OSBPL8: variants seen among roughly 807,000 people sequenced by gnomAD.
OSBPL8 encodes the protein oxysterol-binding protein-related protein 8.
In OSBPL8, 59 loss-of-function variants were observed where a neutral mutation model predicts 125.5. The ratio of observed to expected loss-of-function variants is 0.47; its 90% confidence interval spans 0.38 to 0.58. The LOEUF (loss-of-function observed/expected upper bound fraction) is 0.58, where lower values mean the gene tolerates loss of function less well. Ranked by LOEUF, OSBPL8 falls within the 20% of genes least tolerant of loss-of-function variation. OSBPL8 has a pLI of 0.00. For missense variants in OSBPL8, 758 were observed against 1,047.8 expected, an observed-to-expected ratio of 0.72 and a Z score of 3.82; for synonymous variants, 330 against 338.9, an observed-to-expected ratio of 0.97 and a Z score of 0.29.
At chr12:76,360,069 A>C (rs920101070) in intron 21 of OSBPL8, among the ~76,000 whole-genome samples, 2 of 152,200 alleles carry the variant, frequency 1.3e-5, no homozygotes, top group African/African-American at 4.8e-5. Context: ...AATTCATTTC[A>C]GCATTAACCC....
rs564087677 is a variant in OSBPL8 at position 76,544,214 on chromosome 12, AAAG to A, written c.-68+15180_-68+15182del. On this transcript the variant is annotated intron_variant, in intron 1 of 23. Coordinates refer to ENST00000261183, the MANE Select transcript of OSBPL8 (RefSeq NM_020841.5). Reference sequence around the variant, plus strand: ...TTTCTTAGCTACCTCATAAATGACAAAAGAAGAAACAGTTTCACCCCTGCGGTC... The same window carrying A: ...TTTCTTAGCTACCTCATAAATGACAAAAGAAACAGTTTCACCCCTGCGGTC... 1.4e-4 allele frequency among the ~76,000 whole-genome samples: 21 copies of A among 152,288 alleles called. No homozygotes were observed. In the East Asian group the frequency reaches 2.5e-3, roughly 18 times the overall value.
intron 1 of OSBPL8, among the ~76,000 whole-genome samples, chr12:76,522,494 T>G (rs1474861683): frequency 6.6e-6 from 1 of 152,170 alleles, no homozygotes; most frequent in Non-Finnish European, 1.5e-5. Flanking sequence ...TAATGAGTTC[T>G]CACTCTGGCA....
intron 1 of OSBPL8, among the ~76,000 whole-genome samples, chr12:76,500,696 A>T (rs1417728138): frequency 6.6e-6 from 1 of 152,162 alleles, no homozygotes; most frequent in Non-Finnish European, 1.5e-5. Context: ...CTACATGCTG[A>T]AGAATTTAAA....
At chr12:76,537,252 T>C (rs1950524359) in intron 1 of OSBPL8, among the ~76,000 whole-genome samples, 1 of 152,160 alleles carries the variant, frequency 6.6e-6, no homozygotes. Flanking sequence ...AATTATTTCA[T>C]AGCATACTAC....
At chr12:76,537,529 AAT>A (rs1260784258) in intron 1 of OSBPL8, among the ~76,000 whole-genome samples, 1 of 152,324 alleles carries the variant, frequency 6.6e-6, no homozygotes, top group East Asian at 1.9e-4. Flanking sequence ...TAGTTATAGT[AAT>A]AACTTGAGCA....
At chr12:76,512,003 A>G (rs1350045745) in intron 1 of OSBPL8, among the ~76,000 whole-genome samples, 1 of 152,130 alleles carries the variant, frequency 6.6e-6, no homozygotes, top group Admixed American at 6.5e-5. Flanking sequence ...TTGCTGGTAC[A>G]TGTGAAGGTT....
chr12:76,490,124 C>CTTATG (rs1878556684), intron 1 of OSBPL8, among the ~76,000 whole-genome samples: 1 of 152,184 alleles, frequency 6.6e-6, no homozygotes, highest in Non-Finnish European at 1.5e-5. Flanking sequence ...TGAGGACTTA[C>CTTATG]TTCTTATGGA....
chr12:76,370,919 A>G (rs1952596666), intron 19 of OSBPL8, among the ~76,000 whole-genome samples: 1 of 152,224 alleles, frequency 6.6e-6, no homozygotes, highest in Non-Finnish European at 1.5e-5. Context: ...TGTGTATACA[A>G]TATTTCTGAT....
At chr12:76,557,280 G>A (rs1298336245) in intron 1 of OSBPL8, among the ~76,000 whole-genome samples, 2 of 152,074 alleles carry the variant, frequency 1.3e-5, no homozygotes, top group Non-Finnish European at 2.9e-5. Flanking sequence ...AAGCCAAGTT[G>A]AAATGTACTA....
chr12:76,535,378 C>T (rs764622660), intron 1 of OSBPL8, among the ~76,000 whole-genome samples: 1 of 151,930 alleles, frequency 6.6e-6, no homozygotes, highest in Admixed American at 6.6e-5. Flanking sequence ...CAGTCATCAG[C>T]GAAACGCAAA....
chr12:76,379,349 T>C (rs1026770368), intron 15 of OSBPL8, among the ~76,000 whole-genome samples: 3 of 152,208 alleles, frequency 2.0e-5, no homozygotes, highest in African/African-American at 4.8e-5. Flanking sequence ...TTTTCTCCTG[T>C]ATGCATTTTC....
chr12:76,455,404 A>C (rs1413171370), intron 3 of OSBPL8, among the ~76,000 whole-genome samples: 2 of 152,242 alleles, frequency 1.3e-5, no homozygotes, highest in Non-Finnish European at 2.9e-5. Context: ...CTAATTTAAA[A>C]TACTTTATAA....
At chr12:76,409,737 G>A (rs1386996665) in intron 5 of OSBPL8, among the ~76,000 whole-genome samples, 1 of 152,150 alleles carries the variant, frequency 6.6e-6, no homozygotes, top group Non-Finnish European at 1.5e-5. Flanking sequence ...TAATATTTAT[G>A]TAAAATCATA....
At chr12:76,508,498 G>A (rs1055595295) in intron 1 of OSBPL8, among the ~76,000 whole-genome samples, 2 of 152,142 alleles carry the variant, frequency 1.3e-5, no homozygotes, top group South Asian at 2.1e-4. Context: ...AATAGGGACT[G>A]GGTAAAATAA....
chr12:76,397,202 A>T (rs1051361807), intron 8 of OSBPL8, among the ~76,000 whole-genome samples: 33 of 150,258 alleles, frequency 2.2e-4, no homozygotes, highest in Non-Finnish European at 4.0e-4. Flanking sequence ...ATTAAAAAAA[A>T]TTTTTTTTTT....
intron 1 of OSBPL8, among the ~76,000 whole-genome samples, chr12:76,533,417 GA>G (rs1358322423): frequency 1.3e-5 from 2 of 152,136 alleles, no homozygotes; most frequent in African/African-American, 2.4e-5. Context: ...ACTATCAAAT[GA>G]AGGATTTGCG....
chr12:76,552,465 G>A (rs1242584136), intron 1 of OSBPL8, among the ~76,000 whole-genome samples: 2 of 142,322 alleles, frequency 1.4e-5, no homozygotes, highest in Non-Finnish European at 1.5e-5. Flanking sequence ...AATGTTGCAA[G>A]CAAGAGGGAG....
At chr12:76,517,912 T>C (rs1881708788) in intron 1 of OSBPL8, among the ~76,000 whole-genome samples, 1 of 152,156 alleles carries the variant, frequency 6.6e-6, no homozygotes, top group Non-Finnish European at 1.5e-5. Flanking sequence ...AATCCCATAC[T>C]TCCCACCAGG....
At position 76,487,576 on chromosome 12, in the gene OSBPL8, T is replaced by C; in HGVS notation, c.-25A>G. On this transcript the variant is annotated 5_prime_UTR_variant, in exon 2 of 24. Coordinates refer to ENST00000261183, the MANE Select transcript of OSBPL8 (RefSeq NM_020841.5). The stretch of plus-strand genomic sequence containing the variant: ...TAATGAAAGAAGATAGGTTTATGCT[T>C]CTCTTTCCATTAATGTGCAGCCATT... 1 of 1,578,542 alleles carries C rather than the reference T, an allele frequency of 6.3e-7. No individual in the cohort carries two copies. Among genetic ancestry groups the C allele is most frequent in the Non-Finnish European group, 8.6e-7 (1 of 1,167,106 alleles).
Sources: allele counts gnomAD v4.1 joint callset (sites outside exome capture counted in the v4.1 genomes callset), GRCh38; gene constraint gnomAD v4.1.1; transcripts MANE v1.5; gene names NCBI Gene and HGNC (gene_info 2026-07-23, HGNC 2026-07-21).